Variants in PCDH11X observed in about 807,000 individuals in gnomAD.
PCDH11X encodes protocadherin 11 X-linked.
A neutral mutation model predicts 53.3 loss-of-function variants in PCDH11X; 18 were observed. That is an observed-to-expected ratio of 0.34 (90% CI 0.23 to 0.50). PCDH11X has a LOEUF of 0.50. Ranked by LOEUF, PCDH11X falls within the 20% of genes least tolerant of loss-of-function variation. PCDH11X has a pLI of 0.98. For missense variants in PCDH11X, 570 were observed against 1,032.4 expected (o/e 0.55, Z 6.14); for synonymous variants, 279 against 393.3 (o/e 0.71, Z 3.44).
At chrX:92,032,851 A>AT (rs755247253) in intron 6 of PCDH11X, among the ~76,000 whole-genome samples, 18,109 of 97,778 alleles carry the variant, frequency 0.19, 2,250 homozygotes, top group African/African-American at 0.41. Flanking sequence ...ATGATAAATG[A>AT]TTTTTTTTTT....
intron 8 of PCDH11X, among the ~76,000 whole-genome samples, chrX:92,333,433 ATAAC>A (rs1163561719): frequency 9.0e-6 from 1 of 111,721 alleles, no homozygotes; most frequent in Admixed American, 9.5e-5. Context: ...TCTGTACTAA[ATAAC>A]TAATGTTTTA....
intron 7 of PCDH11X, among the ~76,000 whole-genome samples, chrX:92,247,732 C>A (rs753871031): frequency 8.9e-5 from 10 of 111,780 alleles, no homozygotes; most frequent in African/African-American, 3.3e-4. Context: ...GGACGTCAGT[C>A]GTTGGATCTA....
At chrX:92,598,584 C>T (rs1282309630) in intron 10 of PCDH11X, among the ~76,000 whole-genome samples, 1 of 95,141 alleles carries the variant, frequency 1.1e-5, no homozygotes, top group African/African-American at 4.3e-5. Context: ...AAAAGGGAAC[C>T]GCCATGCACT....
chrX:92,427,799 A>G (rs1261831182), intron 9 of PCDH11X, among the ~76,000 whole-genome samples: 3 of 65,109 alleles, frequency 4.6e-5, no homozygotes, highest in Non-Finnish European at 8.4e-5. Context: ...GGTTAACATA[A>G]CATGTAGTTA....
chrX:92,261,650 TTG>T (rs1429069798), intron 7 of PCDH11X, among the ~76,000 whole-genome samples: 1 of 112,417 alleles, frequency 8.9e-6, no homozygotes, highest in Non-Finnish European at 1.9e-5. Context: ...AAAAAATCTT[TTG>T]TGTTTCTATA....
intron 5 of PCDH11X, among the ~76,000 whole-genome samples, chrX:91,874,973 A>G (rs1236172423): frequency 1.9e-5 from 2 of 104,486 alleles, no homozygotes; most frequent in Non-Finnish European, 3.9e-5. Context: ...TAACCAATCC[A>G]TGCCACTTGT....
At chrX:91,895,115 C>T (rs942521551) in intron 6 of PCDH11X, among the ~76,000 whole-genome samples, 4 of 111,040 alleles carry the variant, frequency 3.6e-5, no homozygotes, top group African/African-American at 1.3e-4. Flanking sequence ...ATCATGTTCC[C>T]TTATAATACA....
At chrX:92,013,087 A>G (rs2062720901) in intron 6 of PCDH11X, among the ~76,000 whole-genome samples, 1 of 111,503 alleles carries the variant, frequency 9.0e-6, no homozygotes, top group African/African-American at 3.3e-5. Context: ...GAGGAAGTCA[A>G]ATTGTCCCTG....
chrX:92,385,466 G>A (rs1444474279), intron 8 of PCDH11X, among the ~76,000 whole-genome samples: 1 of 104,344 alleles, frequency 9.6e-6, no homozygotes, highest in Non-Finnish European at 2.0e-5. Context: ...AGAAAATACA[G>A]TGTGGTTTAA....
At chrX:92,188,441 GA>G (rs1238487630) in intron 6 of PCDH11X, among the ~76,000 whole-genome samples, 7 of 111,341 alleles carry the variant, frequency 6.3e-5, no homozygotes, top group African/African-American at 2.3e-4. Flanking sequence ...AGTAGGGAAA[GA>G]AAACTTATCT....
At chrX:92,051,676 T>C (rs5984857) in intron 6 of PCDH11X, among the ~76,000 whole-genome samples, 15,281 of 111,219 alleles carry the variant, frequency 0.14, 986 homozygotes, top group East Asian at 0.42. Flanking sequence ...TTGGTCTCAA[T>C]ATATCTTCAA....
chrX:92,166,563 T>G (rs1244972150), intron 6 of PCDH11X, among the ~76,000 whole-genome samples: 1 of 109,141 alleles, frequency 9.2e-6, no homozygotes, highest in African/African-American at 3.3e-5. Context: ...ATATAACATA[T>G]TTTAGCAAAC....
At chrX:91,888,960 A>G (rs1459098080) in intron 6 of PCDH11X, among the ~76,000 whole-genome samples, 3 of 112,134 alleles carry the variant, frequency 2.7e-5, no homozygotes, top group Non-Finnish European at 5.6e-5. Context: ...ATAACTAAAG[A>G]GAATTGATCA....
chrX:91,849,258 T>G (rs1006863006), intron 5 of PCDH11X, among the ~76,000 whole-genome samples: 3 of 111,589 alleles, frequency 2.7e-5, no homozygotes, highest in Non-Finnish European at 5.7e-5. Flanking sequence ...TTCCTTAACT[T>G]TACTATTTAC....
intron 10 of PCDH11X, among the ~76,000 whole-genome samples, chrX:92,502,198 C>T (rs1389717971): frequency 1.8e-5 from 2 of 110,076 alleles, no homozygotes; most frequent in East Asian, 5.8e-4. Flanking sequence ...AACTACAAAC[C>T]ACCACTCAAG....
chrX:92,311,656 T>C (rs1310646726), intron 8 of PCDH11X, among the ~76,000 whole-genome samples: 1 of 102,832 alleles, frequency 9.7e-6, no homozygotes, highest in Non-Finnish European at 2.0e-5. Flanking sequence ...AAATGTTTGC[T>C]TTTTTTTTTT....
chrX:92,209,963 T>C (rs2066549928), intron 7 of PCDH11X, among the ~76,000 whole-genome samples: 1 of 111,584 alleles, frequency 9.0e-6, no homozygotes, highest in African/African-American at 3.3e-5. Context: ...AGCTGTACCT[T>C]GGCCCTTTTT....
chrX:92,506,916 A>G (rs1242885071), intron 10 of PCDH11X, among the ~76,000 whole-genome samples: 3 of 109,679 alleles, frequency 2.7e-5, no homozygotes, highest in Admixed American at 2.0e-4. Flanking sequence ...TTCATGTTGC[A>G]ATTTATTCCT....
intron 7 of PCDH11X, among the ~76,000 whole-genome samples, chrX:92,221,946 G>C (rs2066889069): frequency 9.1e-6 from 1 of 110,058 alleles, no homozygotes; most frequent in Admixed American, 9.8e-5. Context: ...ATATTTTCCT[G>C]CCTCAGCCTC....
Sources: allele counts gnomAD v4.1 joint callset (sites outside exome capture counted in the v4.1 genomes callset), GRCh38; gene constraint gnomAD v4.1.1; transcripts MANE v1.5; gene names NCBI Gene and HGNC (gene_info 2026-07-23, HGNC 2026-07-21).